Variants in CCR2 observed in about 807,000 individuals in gnomAD.
CCR2 encodes the protein C-C chemokine receptor type 2.
For missense variants in CCR2, 408 were observed against 440.0 expected (o/e 0.93, Z 0.65); for synonymous variants, 183 against 177.1 (o/e 1.03, Z -0.27).
In CCR2 at chr3:46,358,194, T is replaced by C. The variant is rs764685687; in HGVS notation, c.667T>C (p.Ser223Pro). The change falls in exon 2 of 2, where the codon TCG (serine) becomes CCG (proline). Residue 223 changes from serine to proline, a missense_variant. Transcript: ENST00000445132. ...GCTGCTCATCATGGTCATCTGCTACTCGGGAATCCTGAAAACCCTGCTTCG... is the reference window on the plus strand; with the variant it reads ...GCTGCTCATCATGGTCATCTGCTACCCGGGAATCCTGAAAACCCTGCTTCG... Reference protein sequence around the residue: ...LPLLIMVICYSGILKTLLRCR... With the variant: ...LPLLIMVICYPGILKTLLRCR... 5 of 1,614,244 alleles carry C rather than the reference T, an allele frequency of 3.1e-6. No homozygotes were observed. Among genetic ancestry groups the C allele is most frequent in the Non-Finnish European group, 4.2e-6 (5 of 1,180,034 alleles).
rs772789848 is a variant in CCR2, at chr3:46,357,505, CAT to C, written c.-22_-21del. 3.1e-6 allele frequency: 5 copies of C among 1,607,392 alleles called. No homozygotes were observed. The South Asian group carries it at 5.5e-5, about 18-fold the overall frequency. On this transcript the variant is annotated 5_prime_UTR_variant, in exon 2 of 2. Coordinates refer to ENST00000445132, the MANE Select transcript of CCR2 (RefSeq NM_001123396.4). ...AGAGAAAGTGGATTGAACAAGGACG[CAT>C]TTCCCCAGTACATCCACAACATGCT... is the stretch of plus-strand genomic sequence containing the variant.
At position 46,360,351 on chromosome 3, in the gene CCR2, G is replaced by C. The variant is rs1031631905; in HGVS notation, c.*1741G>C. The C allele has an allele frequency of 6.5e-6, 1 of 154,832 alleles. No homozygotes were observed. The highest frequency in any genetic ancestry group is 1.4e-5 in the Non-Finnish European group (1 of 69,958). The allele number at this position is 154,832 out of a possible 1,614,324, so 9.6% of individuals were successfully genotyped here. A position where few individuals can be genotyped will look rare whatever the true frequency, so the allele number is the denominator to read the frequency against. On this transcript the variant is annotated 3_prime_UTR_variant, in exon 2 of 2. Transcript: ENST00000445132. ...TTTGAATCACAGTATACGCTCCATC[G>C]CTGTCATCTCAGCTGGATCTCCATT...
Position 46,360,320 on chromosome 3 carries a change from A to T in CCR2, c.*1710A>T, listed in dbSNP as rs184336934. 3.5e-5 allele frequency: 6 copies of T among 172,688 alleles called. No individual in the cohort carries two copies. In the Admixed American group the frequency reaches 3.7e-4, roughly 11 times the overall value. 10.7% of individuals were successfully genotyped at this position (172,688 alleles called of 1,614,324 possible). On this transcript the variant is annotated 3_prime_UTR_variant, in exon 2 of 2. Coordinates refer to ENST00000445132, the MANE Select transcript of CCR2 (RefSeq NM_001123396.4). ...ATGTGCATGCAGCATCTAAGTAATGATGTCGTTTGAATCACAGTATACGCT... is the reference window on the plus strand; with the variant it reads ...ATGTGCATGCAGCATCTAAGTAATGTTGTCGTTTGAATCACAGTATACGCT...
Position 46,360,061 on chromosome 3 carries a change from T to C in CCR2, c.*1451T>C, listed in dbSNP as rs761778888. ...ATACAGGCATAGAGTTCAGACTTTT[T>C]TTAAATAGTAAAAATAAAATTAAAG... On this transcript the variant is annotated 3_prime_UTR_variant, in exon 2 of 2. Transcript: ENST00000445132. 10 of 514,102 alleles carry C rather than the reference T, an allele frequency of 1.9e-5. No homozygotes were observed. Among genetic ancestry groups the C allele is most frequent in the Non-Finnish European group, 3.4e-5 (10 of 296,926 alleles). 31.8% of individuals were successfully genotyped at this position (514,102 alleles called of 1,614,324 possible).
Position 46,357,571 on chromosome 3 carries a change from A to G in CCR2, c.44A>G (p.Glu15Gly). 6.2e-7 allele frequency: 1 copy of G among 1,614,118 alleles called. No individual in the cohort carries two copies. Among genetic ancestry groups the G allele is most frequent in the Non-Finnish European group, 8.5e-7 (1 of 1,179,994 alleles). The change falls in exon 2 of 2, where the codon GAG (glutamate) becomes GGG (glycine). Residue 15 changes from glutamate (E) to glycine (G), a missense_variant. Transcript: ENST00000445132. ...TCTCGGTTTATCAGAAATACCAACGAGAGCGGTGAAGAAGTCACCACCTTT... is the reference window on the plus strand; with the variant it reads ...TCTCGGTTTATCAGAAATACCAACGGGAGCGGTGAAGAAGTCACCACCTTT... The part of the protein sequence containing the change: ...SRSRFIRNTN[E>G]SGEEVTTFFD...
chr3:46,359,355 A>G lies in CCR2; in HGVS notation c.*745A>G. ...GCCACATCCCCCTGTCTAAAAATTC[A>G]GAAAATTTTTGTTTATAAAAGATGC... On this transcript the variant is annotated 3_prime_UTR_variant, in exon 2 of 2. Coordinates refer to ENST00000445132, the MANE Select transcript of CCR2 (RefSeq NM_001123396.4). 3 of 1,047,514 alleles carry G rather than the reference A, an allele frequency of 2.9e-6. No homozygotes were observed. Among genetic ancestry groups the G allele is most frequent in the Non-Finnish European group, 3.5e-6 (3 of 864,406 alleles). 64.9% of individuals were successfully genotyped at this position (1,047,514 alleles called of 1,614,324 possible). A position where few individuals can be genotyped will look rare whatever the true frequency, so the allele number is the denominator to read the frequency against.
Position 46,359,579 on chromosome 3 carries a change from G to C in CCR2, c.*969G>C. The C allele has an allele frequency of 7.9e-7, 1 of 1,267,082 alleles. No individual in the cohort carries two copies. Among genetic ancestry groups the C allele is most frequent in the African/African-American group, 1.5e-5 (1 of 66,406 alleles). The allele number at this position is 1,267,082 out of a possible 1,614,324, so 78.5% of individuals were successfully genotyped here. A position where few individuals can be genotyped will look rare whatever the true frequency, so the allele number is the denominator to read the frequency against. ...GGAGAGAGCCAGGAAGGCTGCATCA[G>C]AACCCAGTAAAGCTTCTTGTCTGGA... On this transcript the variant is annotated 3_prime_UTR_variant, in exon 2 of 2. Coordinates refer to ENST00000445132, the MANE Select transcript of CCR2 (RefSeq NM_001123396.4).
Position 46,360,297 on chromosome 3 carries a change from G to A in CCR2, c.*1687G>A, listed in dbSNP as rs1023448289. 2 of 184,390 alleles carry A rather than the reference G, an allele frequency of 1.1e-5. No individual in the cohort carries two copies. The highest frequency in any genetic ancestry group is 2.2e-5 in the Non-Finnish European group (2 of 89,472). 11.4% of individuals were successfully genotyped at this position (184,390 alleles called of 1,614,324 possible). A position where few individuals can be genotyped will look rare whatever the true frequency, so the allele number is the denominator to read the frequency against. On this transcript the variant is annotated 3_prime_UTR_variant, in exon 2 of 2. Coordinates refer to ENST00000445132, the MANE Select transcript of CCR2 (RefSeq NM_001123396.4). ...GTGATCTGTGGGCACATTAGCCTAT[G>A]TGCATGCAGCATCTAAGTAATGATG...
chr3:46,358,924 A>T lies in CCR2; in HGVS notation c.*314A>T. 1 of 1,084,462 alleles carries T rather than the reference A, an allele frequency of 9.2e-7. No individual in the cohort carries two copies. Among genetic ancestry groups the T allele is most frequent in the Non-Finnish European group, 1.1e-6 (1 of 881,790 alleles). 67.2% of individuals were successfully genotyped at this position (1,084,462 alleles called of 1,614,324 possible). A position where few individuals can be genotyped will look rare whatever the true frequency, so the allele number is the denominator to read the frequency against. ...TCTTCACTCAATCTCTGATTCTGTC[A>T]ATGTCTTGAAATCAAGGGCCAGCTG... On this transcript the variant is annotated 3_prime_UTR_variant, in exon 2 of 2. Transcript: ENST00000445132.
rs1701511709 is a variant in CCR2, at chr3:46,359,441, C to G, written c.*831C>G. On this transcript the variant is annotated 3_prime_UTR_variant, in exon 2 of 2. Transcript: ENST00000445132. Reference sequence around the variant, plus strand: ...ATATATAGGCTCTTGCTTGATCTCTCCAGGAGGTAGTGATTATGAGAAGGG... The same window carrying G: ...ATATATAGGCTCTTGCTTGATCTCTGCAGGAGGTAGTGATTATGAGAAGGG... The G allele has an allele frequency of 1.7e-6, 2 of 1,151,234 alleles. No homozygotes were observed. Among genetic ancestry groups the G allele is most frequent in the Non-Finnish European group, 2.3e-6 (2 of 871,428 alleles). 71.3% of individuals were successfully genotyped at this position (1,151,234 alleles called of 1,614,324 possible).
At position 46,357,580 on chromosome 3, in the gene CCR2, A is replaced by G; in HGVS notation, c.53A>G (p.Glu18Gly). ...RFIRNTNESG[E>G]EVTTFFDYDY... The stretch of plus-strand genomic sequence containing the variant: ...ATCAGAAATACCAACGAGAGCGGTG[A>G]AGAAGTCACCACCTTTTTTGATTAT... Residue 18 changes from glutamate (E) to glycine (G), a missense_variant, in exon 2 of 2, where the codon GAA (glutamate) becomes GGA (glycine). Coordinates refer to ENST00000445132, the MANE Select transcript of CCR2 (RefSeq NM_001123396.4). 6.2e-7 allele frequency: 1 copy of G among 1,614,090 alleles called. No individual in the cohort carries two copies. Among genetic ancestry groups the G allele is most frequent in the Non-Finnish European group, 8.5e-7 (1 of 1,179,988 alleles).
Position 46,357,786 on chromosome 3 carries a change from T to A in CCR2, c.259T>A (p.Ser87Thr), listed in dbSNP as rs766030490. ...CATTTACCTGCTCAACCTGGCCATC[T>A]CTGATCTGCTTTTTCTTATTACTCT... ...TDIYLLNLAI[S>T]DLLFLITLPL... is the part of the protein sequence containing the mutation. Residue 87 changes from serine (S) to threonine (T), a missense_variant, in exon 2 of 2, where the codon TCT becomes ACT. By Grantham distance (58) the Ser-to-Thr change is moderately conservative. Coordinates refer to ENST00000445132, the MANE Select transcript of CCR2 (RefSeq NM_001123396.4). The A allele has an allele frequency of 5.0e-6, 8 of 1,614,074 alleles. No individual in the cohort carries two copies. The highest frequency in any genetic ancestry group is 1.6e-4 in the Middle Eastern group (1 of 6,084).
At position 46,356,065 on chromosome 3, in the gene CCR2, C is replaced by T. The variant is rs574162455; in HGVS notation, c.-51-1412C>T. On this transcript the variant is annotated intron_variant, in intron 1 of 1. Coordinates refer to ENST00000445132, the MANE Select transcript of CCR2 (RefSeq NM_001123396.4). ...GAATTTGAGGTCCCTGCATGATACC[C>T]ACTTTGCTCACTTCAGTGCCTAAAA... 4.6e-5 allele frequency among the ~76,000 whole-genome samples: 7 copies of T among 152,328 alleles called. No individual in the cohort carries two copies. The South Asian group carries it at 1.2e-3, about 27-fold the overall frequency.
At position 46,358,541 on chromosome 3, in the gene CCR2, G is replaced by A. The variant is rs1701497157; in HGVS notation, c.1014G>A (p.Glu338=). The part of the protein sequence containing the change: ...FCKQCPVFYR[E]TVDGVTSTNT... The stretch of plus-strand genomic sequence containing the variant: ...AACAATGTCCAGTTTTCTACAGGGA[G>A]ACAGTGGATGGAGTGACTTCAACAA... The change falls in exon 2 of 2, where the codon GAG becomes GAA. Residue 338 remains glutamate, a synonymous_variant. Coordinates refer to ENST00000445132, the MANE Select transcript of CCR2 (RefSeq NM_001123396.4). 6.2e-7 allele frequency: 1 copy of A among 1,611,452 alleles called. No homozygotes were observed. The highest frequency in any genetic ancestry group is 1.3e-5 in the African/African-American group (1 of 74,896).
intron 1 of CCR2, among the ~76,000 whole-genome samples, chr3:46,355,599 G>A (rs1701437792): frequency 6.6e-6 from 1 of 152,200 alleles, no homozygotes; most frequent in South Asian, 2.1e-4. Context: ...AGGGAACATG[G>A]CTTGAGATGA....
At position 46,359,420 on chromosome 3, in the gene CCR2, A is replaced by G; in HGVS notation, c.*810A>G. On this transcript the variant is annotated 3_prime_UTR_variant, in exon 2 of 2. Coordinates refer to ENST00000445132, the MANE Select transcript of CCR2 (RefSeq NM_001123396.4). ...GCTAATATATGTATATGCAATATATATAGGCTCTTGCTTGATCTCTCCAGG... is the reference window on the plus strand; with the variant it reads ...GCTAATATATGTATATGCAATATATGTAGGCTCTTGCTTGATCTCTCCAGG... 2 of 1,132,906 alleles carry G rather than the reference A, an allele frequency of 1.8e-6. No homozygotes were observed. The highest frequency in any genetic ancestry group is 2.2e-6 in the Non-Finnish European group (2 of 891,306). 70.2% of individuals were successfully genotyped at this position (1,132,906 alleles called of 1,614,324 possible). A position where few individuals can be genotyped will look rare whatever the true frequency, so the allele number is the denominator to read the frequency against.
In CCR2 at chr3:46,358,035, T is replaced by A; in HGVS notation, c.508T>A (p.Phe170Ile). 6.2e-7 allele frequency: 1 copy of A among 1,614,196 alleles called. No homozygotes were observed. The highest frequency in any genetic ancestry group is 1.1e-5 in the South Asian group (1 of 91,082). ...TGTGATCACCTGGTTGGTGGCTGTG[T>A]TTGCTTCTGTCCCAGGAATCATCTT... ...TSVITWLVAVFASVPGIIFTK... is the reference protein window; with the variant it reads ...TSVITWLVAVIASVPGIIFTK... Residue 170 changes from phenylalanine to isoleucine, a missense_variant, in exon 2 of 2, where the codon TTT becomes ATT. Coordinates refer to ENST00000445132, the MANE Select transcript of CCR2 (RefSeq NM_001123396.4).
intron 1 of CCR2, among the ~76,000 whole-genome samples, 191 bp downstream of exon 1, chr3:46,354,368 G>A (rs1330870632): frequency 6.6e-6 from 1 of 152,156 alleles, no homozygotes; most frequent in Non-Finnish European, 1.5e-5. Flanking sequence ...CTGAGGAAGA[G>A]CAGCGTGCAG....
At position 46,357,937 on chromosome 3, in the gene CCR2, A is replaced by C. The variant is rs1458820009; in HGVS notation, c.410A>C (p.Asp137Ala). The C allele has an allele frequency of 6.2e-7, 1 of 1,614,158 alleles. No homozygotes were observed. Among genetic ancestry groups the C allele is most frequent in the Admixed American group, 1.7e-5 (1 of 60,026 alleles). ...GIFFIILLTI[D>A]RYLAIVHAVF... ...TTCTTCATCATCCTCCTGACAATCG[A>C]TAGATACCTGGCTATTGTCCATGCT... The change falls in exon 2 of 2, where the codon GAT becomes GCT. Residue 137 changes from aspartate to alanine, a missense_variant. By Grantham distance (126) the Asp-to-Ala change is moderately radical (BLOSUM62 -2). Coordinates refer to ENST00000445132, the MANE Select transcript of CCR2 (RefSeq NM_001123396.4).
Sources: allele counts gnomAD v4.1 joint callset (sites outside exome capture counted in the v4.1 genomes callset), GRCh38; gene constraint gnomAD v4.1.1; transcripts MANE v1.5; gene names NCBI Gene and HGNC (gene_info 2026-07-23, HGNC 2026-07-21).